ADGRL1: variants seen among roughly 807,000 people sequenced by gnomAD.
ADGRL1 encodes the protein adhesion G protein-coupled receptor L1.
A neutral mutation model predicts 148.9 loss-of-function variants in ADGRL1; 31 were observed. The ratio of observed to expected loss-of-function variants is 0.21; its 90% CI spans 0.16 to 0.28. ADGRL1 has a LOEUF of 0.28. Among genes scored for constraint, ADGRL1 ranks in the 10% least tolerant of loss-of-function variants. The probability of loss-of-function intolerance (pLI) is 1.00; values close to 1 mark genes in which losing one functional copy is unlikely to be tolerated. For synonymous variants in ADGRL1, 937 were observed against 900.3 expected (o/e 1.04, Z -0.73); for missense variants, 1,521 against 2,058.8 (o/e 0.74, Z 5.05).
intron 4 of ADGRL1, chr19:14,170,467 G>T (rs1568599756): frequency 2.2e-5 from 11 of 498,612 alleles, no homozygotes; most frequent in Non-Finnish European, 1.1e-5. Flanking sequence ...TGTCCCCACA[G>T]GAGGGGACAG....
At position 14,184,634 on chromosome 19, in the gene ADGRL1, A is replaced by ATTT. The variant is rs1166987303; in HGVS notation, c.-95-940_-95-938dup. On this transcript the variant is annotated intron_variant, in intron 1 of 22. Transcript: ENST00000361434. Reference sequence around the variant, plus strand: ...TATTTATTTATTTATTTATTTATTTATTTATTTATTTATTTTTTTTTCTGA... The same window carrying ATTT: ...TATTTATTTATTTATTTATTTATTTATTTTTTATTTATTTATTTTTTTTTCTGA... Among the ~76,000 whole-genome samples, 264 of 119,036 alleles carry ATTT rather than the reference A, an allele frequency of 2.2e-3. 3 individuals are homozygous for ATTT. The highest frequency in any genetic ancestry group is 9.1e-3 in the Admixed American group (110 of 12,046). The allele number at this position is 119,036 out of a possible 152,430, so 78.1% of individuals were successfully genotyped here. A position where few individuals can be genotyped will look rare whatever the true frequency, so the allele number is the denominator to read the frequency against.
intron 18 of ADGRL1, among the ~76,000 whole-genome samples, chr19:14,153,507 C>T (rs1314680015): frequency 1.3e-5 from 2 of 150,888 alleles, no homozygotes; most frequent in East Asian, 1.9e-4. Flanking sequence ...CCTCCACCTC[C>T]CTGGTTCACA....
At chr19:14,172,117 C>G (rs903229669) in intron 3 of ADGRL1, among the ~76,000 whole-genome samples, 4 of 152,180 alleles carry the variant, frequency 2.6e-5, no homozygotes, top group Non-Finnish European at 5.9e-5. Flanking sequence ...CCACCTCATC[C>G]TCTTCTTTAA....
intron 4 of ADGRL1, chr19:14,170,405 G>T (rs1970363804): frequency 2.8e-6 from 1 of 359,342 alleles, no homozygotes; most frequent in African/African-American, 2.1e-5. Flanking sequence ...ATGAGTATAG[G>T]GTGCATGAAG....
chr19:14,183,218 C>CAGA (rs1971336222), intron 2 of ADGRL1, among the ~76,000 whole-genome samples: 2 of 124,868 alleles, frequency 1.6e-5, no homozygotes, highest in Non-Finnish European at 3.7e-5. Context: ...AGAGAGAGAG[C>CAGA]GAGAGAGAGA....
At chr19:14,183,187 T>C (rs1320808217) in intron 2 of ADGRL1, among the ~76,000 whole-genome samples, 1 of 104,146 alleles carries the variant, frequency 9.6e-6, no homozygotes, top group Admixed American at 1.0e-4. Context: ...CTCGAAGATG[T>C]AATCACAGAG....
intron 3 of ADGRL1, among the ~76,000 whole-genome samples, chr19:14,173,997 G>C (rs1034497366): frequency 6.6e-6 from 1 of 151,148 alleles, no homozygotes; most frequent in Non-Finnish European, 1.5e-5. Context: ...GTGGAGCAGT[G>C]GGGGTTGGGG....
At chr19:14,182,288 G>C (rs184292107) in intron 2 of ADGRL1, among the ~76,000 whole-genome samples, 1 of 152,344 alleles carries the variant, frequency 6.6e-6, no homozygotes, top group African/African-American at 2.4e-5. Flanking sequence ...CACAACAGAG[G>C]GTGCCTGGCA....
intron 4 of ADGRL1, among the ~76,000 whole-genome samples, chr19:14,167,378 C>T (rs1342403353): frequency 6.7e-6 from 1 of 149,400 alleles, no homozygotes; most frequent in Non-Finnish European, 1.5e-5. Context: ...AGGGGGCACC[C>T]TTGGTGCAAG....
chr19:14,176,870 A>G (rs1408648785), intron 3 of ADGRL1, among the ~76,000 whole-genome samples: 1 of 151,692 alleles, frequency 6.6e-6, no homozygotes, highest in African/African-American at 2.4e-5. Flanking sequence ...ATGAAGGGAA[A>G]AGTCCTCCCA....
chr19:14,202,806 C>T (rs1972701782), intron 1 of ADGRL1, among the ~76,000 whole-genome samples: 1 of 152,064 alleles, frequency 6.6e-6, no homozygotes, highest in Non-Finnish European at 1.5e-5. Context: ...GCCCTGCCTC[C>T]CCCAGCATGA....
chr19:14,178,381 T>A (rs1003843195), intron 2 of ADGRL1, among the ~76,000 whole-genome samples: 1 of 152,044 alleles, frequency 6.6e-6, no homozygotes, highest in Non-Finnish European at 1.5e-5. Flanking sequence ...GGCACACACC[T>A]GTAGTCCCAG....
chr19:14,174,135 G>A (rs79311369), intron 3 of ADGRL1, among the ~76,000 whole-genome samples: 6,354 of 152,074 alleles, frequency 0.042, 289 homozygotes, highest in African/African-American at 0.11. Context: ...CATGGGAACT[G>A]GGCCAGATGC....
rs562247593 is a variant in ADGRL1 at position 14,159,288 on chromosome 19, C to G, written c.2024-73G>C. 2 of 1,585,146 alleles carry G rather than the reference C, an allele frequency of 1.3e-6. No individual in the cohort carries two copies. The highest frequency in any genetic ancestry group is 2.3e-5 in the East Asian group (1 of 44,404). On this transcript the variant is annotated intron_variant, in intron 10 of 22. Transcript: ENST00000361434. This position sits in a 1 kb window ranked among gnomAD's most constrained non-coding sequence, Gnocchi z 6.0. ...CAGTCCAGGGGCTCAGGCTGCAGAA[C>G]GAGACTCTGGCAAGATGCCCAAGGG...
At position 14,155,380 on chromosome 19, in the gene ADGRL1, A is replaced by G. The variant is rs780817211; in HGVS notation, c.3273T>C (p.Phe1091=). The change falls in exon 18 of 23, where the codon TTT becomes TTC. Residue 1091 remains phenylalanine, a synonymous_variant. Transcript: ENST00000361434. The surrounding 1 kb of genome is among the most constrained non-coding windows in gnomAD (Gnocchi z 5.0). ...TCACCTTCTTCTGTAAGGCGCAGTGAAAGACGAAGATGAAGACCCCCTGGA... is the reference window on the plus strand; with the variant it reads ...TCACCTTCTTCTGTAAGGCGCAGTGGAAGACGAAGATGAAGACCCCCTGGA... The part of the protein sequence containing the change: ...NAFQGVFIFV[F]HCALQKKVHK... 4 of 1,614,018 alleles carry G rather than the reference A, an allele frequency of 2.5e-6. No individual in the cohort carries two copies. The Admixed American group carries it at 5.0e-5, about 20-fold the overall frequency.
rs776530735 is a variant in ADGRL1 at position 14,183,836 on chromosome 19, G to A, written c.-95-139C>T. The A allele has an allele frequency of 7.3e-5, 40 of 544,402 alleles. 1 individual carries two copies. The Admixed American group carries it at 1.1e-3, about 15-fold the overall frequency. The allele number at this position is 544,402 out of a possible 1,614,324, so 33.7% of individuals were successfully genotyped here. A position where few individuals can be genotyped will look rare whatever the true frequency, so the allele number is the denominator to read the frequency against. ...CAGCCCTATCTGTAGGGCCCCCTCC[G>A]GGGTCTGCAGCTCACACCACACCCC... On this transcript the variant is annotated intron_variant, in intron 1 of 22. Coordinates refer to ENST00000361434, the MANE Select transcript of ADGRL1 (RefSeq NM_014921.5).
intron 2 of ADGRL1, among the ~76,000 whole-genome samples, chr19:14,179,894 C>T (rs1449154410): frequency 1.3e-5 from 2 of 152,080 alleles, no homozygotes; most frequent in Non-Finnish European, 2.9e-5. Flanking sequence ...CCAGCCTGGG[C>T]GACAAACAAA....
chr19:14,160,208 A>G lies in ADGRL1; in HGVS notation c.1704T>C (p.Ser568=), dbSNP rs2144714122. The G allele has an allele frequency of 1.2e-6, 2 of 1,602,786 alleles. No homozygotes were observed. The highest frequency in any genetic ancestry group is 1.7e-6 in the Non-Finnish European group (2 of 1,170,926). The change falls in exon 8 of 23, where the codon TCT becomes TCC. Residue 568 remains serine, a synonymous_variant. Coordinates refer to ENST00000361434, the MANE Select transcript of ADGRL1 (RefSeq NM_014921.5). This position sits in a 1 kb window ranked among gnomAD's most constrained non-coding sequence, Gnocchi z 5.9. ...GSIYAGDVSS[S]VKLMEQLLDI... is the part of the protein sequence containing the mutation. ...CCAGCAGCTGCTCCATCAGCTTCAC[A>G]GAGGAGGAGACGTCCCCCGCGTAGA...
At chr19:14,195,326 G>A (rs1251401064) in intron 1 of ADGRL1, among the ~76,000 whole-genome samples, 1 of 152,188 alleles carries the variant, frequency 6.6e-6, no homozygotes, top group East Asian at 1.9e-4. Flanking sequence ...TCTGTCCTCG[G>A]GTGCCCTGTG....
Sources: gnomAD v4.1 joint callset for allele counts (sites outside exome capture counted in the v4.1 genomes callset) on GRCh38, gnomAD v4.1.1 for gene constraint, Gnocchi (gnomAD v3.1) non-coding constraint, MANE v1.5 for transcripts, NCBI Gene and HGNC (gene_info 2026-07-23, HGNC 2026-07-21) for gene names.